The following USH2A variants were observed in gnomAD, a reference collection of about 807,000 sequenced individuals.
USH2A encodes usherin.
A neutral mutation model predicts 538.9 loss-of-function variants in USH2A; 443 were observed. The ratio of observed to expected loss-of-function variants is 0.82; its 90% CI spans 0.76 to 0.89. The LOEUF is 0.89. Ranked by LOEUF, USH2A falls within the 40% of genes least tolerant of loss-of-function variation. USH2A has a pLI of 0.00. For synonymous variants in USH2A, 2,413 were observed against 2,273.5 expected (o/e 1.06, Z -1.75); for missense variants, 6,633 against 6,324.8 (o/e 1.05, Z -1.65).
At chr1:216,259,207 A>G (rs1402724590) in intron 11 of USH2A, among the ~76,000 whole-genome samples, 1 of 152,154 alleles carries the variant, frequency 6.6e-6, no homozygotes, top group South Asian at 2.1e-4. Flanking sequence ...TGAAATGCAC[A>G]CTGCGATGTT....
In USH2A at chr1:215,680,191, T is replaced by G. The variant is rs769567795; in HGVS notation, c.12252A>C (p.Leu4084=). 1 of 1,614,182 alleles carries G rather than the reference T, an allele frequency of 6.2e-7. No homozygotes were observed. Among genetic ancestry groups the G allele is most frequent in the South Asian group, 1.1e-5 (1 of 91,084 alleles). The part of the protein sequence containing the change: ...VEQKENGRAL[L]LQWSEPMRTN... ...TTCTCATAGGTTCTGACCACTGTAGTAGCAATGCCCGGCCATTCTCTTTCT... is the reference window on the plus strand; with the variant it reads ...TTCTCATAGGTTCTGACCACTGTAGGAGCAATGCCCGGCCATTCTCTTTCT... Residue 4084 remains leucine (L), a synonymous_variant, in exon 62 of 72, where the codon CTA becomes CTC. Transcript: ENST00000307340.
chr1:216,184,096 C>G (rs1475591713), intron 20 of USH2A, among the ~76,000 whole-genome samples: 1 of 152,016 alleles, frequency 6.6e-6, no homozygotes, highest in East Asian at 1.9e-4. Flanking sequence ...TGCACAGATA[C>G]TGTTTATCTT....
chr1:215,884,573 A>T (rs1328558961), intron 41 of USH2A, among the ~76,000 whole-genome samples: 1 of 152,248 alleles, frequency 6.6e-6, no homozygotes, highest in Non-Finnish European at 1.5e-5. Flanking sequence ...TGTAGTAAGA[A>T]TTAAATGAAA....
rs542645678 is a variant in USH2A at position 216,050,061 on chromosome 1, T to C, written c.6050-1414A>G. On this transcript the variant is annotated intron_variant, in intron 30 of 71. Transcript: ENST00000307340. The stretch of plus-strand genomic sequence containing the variant: ...CTTTCTCTCATTCCTGCCCCTGCGA[T>C]TGTCATTTCCTGTTAAATCTCCCAG... 7.9e-5 allele frequency among the ~76,000 whole-genome samples: 12 copies of C among 152,374 alleles called. No homozygotes were observed. The East Asian group carries it at 1.2e-3, about 15-fold the overall frequency.
At chr1:215,735,874 T>C (rs190283906) in intron 60 of USH2A, among the ~76,000 whole-genome samples, 22 of 152,282 alleles carry the variant, frequency 1.4e-4, no homozygotes, top group Non-Finnish European at 8.8e-5. Context: ...GGACAACATA[T>C]CTAGGATAAC....
chr1:216,048,705 C>T, intron 30 of USH2A, 58 bp from the exon 31 acceptor site: 2 of 1,379,398 alleles, frequency 1.4e-6, no homozygotes. Flanking sequence ...CAATAAAGAG[C>T]ATTGTGTGTA....
intron 49 of USH2A, among the ~76,000 whole-genome samples, chr1:215,808,586 C>T (rs1411228578): frequency 6.6e-6 from 1 of 152,086 alleles, no homozygotes; most frequent in African/African-American, 2.4e-5. Flanking sequence ...TAGTCACATT[C>T]CCTTCCCATC....
chr1:216,378,442 G>A (rs1016018622), intron 3 of USH2A, among the ~76,000 whole-genome samples: 6 of 151,964 alleles, frequency 3.9e-5, no homozygotes, highest in African/African-American at 9.7e-5. Context: ...GACTACTTAC[G>A]AGTTTTCAAC....
At chr1:215,635,836 G>C (rs1358733370) in intron 69 of USH2A, among the ~76,000 whole-genome samples, 1 of 152,158 alleles carries the variant, frequency 6.6e-6, no homozygotes, top group Non-Finnish European at 1.5e-5. Flanking sequence ...TTACAGGCAT[G>C]AGCCGCCGCA....
At position 216,095,687 on chromosome 1, in the gene USH2A, C is replaced by T. The variant is rs141969947; in HGVS notation, c.4758+1396G>A. On this transcript the variant is annotated intron_variant, in intron 22 of 71. Coordinates refer to ENST00000307340, the MANE Select transcript of USH2A (RefSeq NM_206933.4). ...GGGAGCCTTTCTGTCCCTGGTCCTT[C>T]GAGTGGCCACTGTGCGGCTCTCCCA... is the stretch of plus-strand genomic sequence containing the variant. Among the ~76,000 whole-genome samples, 388 of 152,266 alleles carry T rather than the reference C, an allele frequency of 2.5e-3. 2 individuals carry two copies. Among genetic ancestry groups the T allele is most frequent in the Non-Finnish European group, 2.1e-3 (141 of 68,024 alleles).
chr1:216,137,030 C>A (rs1342262920), intron 21 of USH2A, among the ~76,000 whole-genome samples: 2 of 152,100 alleles, frequency 1.3e-5, no homozygotes, highest in Admixed American at 6.5e-5. Context: ...GGATGATTTT[C>A]CCATGTCTAT....
At chr1:216,007,982 A>G (rs1332004735) in intron 32 of USH2A, among the ~76,000 whole-genome samples, 1 of 152,254 alleles carries the variant, frequency 6.6e-6, no homozygotes, top group Non-Finnish European at 1.5e-5. Flanking sequence ...ATACTCAACC[A>G]GCACCTCACC....
intron 56 of USH2A, among the ~76,000 whole-genome samples, chr1:215,762,523 C>T (rs1027538513): frequency 1.3e-5 from 2 of 152,074 alleles, no homozygotes; most frequent in African/African-American, 2.4e-5. Context: ...AACTCCATGC[C>T]CATTGGTTTG....
In USH2A at chr1:215,675,482, C is replaced by A; in HGVS notation, c.12429G>T (p.Ser4143=). ...CATCTGTCCACAGAGGCTGAGGCGC[C>A]GAGTGTGCACAACCTGCTCTGGTGC... ...EACTRAGCAH[S]APQPLWTDEA... Residue 4143 remains serine (S), a synonymous_variant, in exon 63 of 72, where the codon TCG becomes TCT. Coordinates refer to ENST00000307340, the MANE Select transcript of USH2A (RefSeq NM_206933.4). 2 of 1,613,998 alleles carry A rather than the reference C, an allele frequency of 1.2e-6. No homozygotes were observed. The highest frequency in any genetic ancestry group is 1.7e-6 in the Non-Finnish European group (2 of 1,180,002).
At chr1:216,404,140 A>G (rs1289122373) in intron 3 of USH2A, among the ~76,000 whole-genome samples, 3 of 152,192 alleles carry the variant, frequency 2.0e-5, no homozygotes, top group African/African-American at 7.2e-5. Flanking sequence ...ACAAAATGCC[A>G]ATAAAAGAGG....
At chr1:215,853,225 G>C (rs868327237) in intron 44 of USH2A, among the ~76,000 whole-genome samples, 2 of 152,196 alleles carry the variant, frequency 1.3e-5, no homozygotes, top group South Asian at 2.1e-4. Flanking sequence ...ACATCATGTG[G>C]AAGCTGCCAG....
intron 44 of USH2A, among the ~76,000 whole-genome samples, chr1:215,851,410 A>T (rs1391488052): frequency 6.6e-6 from 1 of 152,182 alleles, no homozygotes; most frequent in Non-Finnish European, 1.5e-5. Context: ...ATTCAAGGCT[A>T]CTGTGAACAC....
chr1:215,961,145 T>A (rs1051047012), intron 37 of USH2A, among the ~76,000 whole-genome samples: 1 of 152,040 alleles, frequency 6.6e-6, no homozygotes, highest in Admixed American at 6.6e-5. Context: ...AGATGAACGA[T>A]CATCTAATAG....
intron 60 of USH2A, among the ~76,000 whole-genome samples, chr1:215,728,795 T>C (rs1316940702): frequency 1.3e-5 from 2 of 152,214 alleles, no homozygotes; most frequent in East Asian, 3.8e-4. Context: ...CTTTTAAAAA[T>C]ACAGAAGCAT....
Sources: gnomAD v4.1 joint callset for allele counts (sites outside exome capture counted in the v4.1 genomes callset) on GRCh38, gnomAD v4.1.1 for gene constraint, MANE v1.5 for transcripts, NCBI Gene and HGNC (gene_info 2026-07-23, HGNC 2026-07-21) for gene names.